The following OSER1 variants were observed in gnomAD, a reference collection of about 807,000 sequenced individuals.
The protein encoded by OSER1 is oxidative stress responsive serine rich 1.
Under a neutral mutation model 26.3 loss-of-function variants are expected in OSER1, and 15 were observed. The observed-to-expected ratio is 0.57, with a 90% CI of 0.38 to 0.88. The LOEUF is 0.88. OSER1 is among the 40% of genes least tolerant of loss of function. OSER1 has a pLI of 0.00. For missense variants in OSER1, 313 were observed against 353.9 expected (o/e 0.88, Z 0.93); for synonymous variants, 127 against 128.2 (o/e 0.99, Z 0.07).
intron 2 of OSER1, among the ~76,000 whole-genome samples, chr20:44,203,549 C>CT (rs1171521367): frequency 6.6e-6 from 1 of 152,074 alleles, no homozygotes; most frequent in Non-Finnish European, 1.5e-5. Context: ...GAGTTAAATC[C>CT]TTGCGGTTTA....
rs776918037 is a variant in OSER1, at chr20:44,199,896, C to G, written c.192-2157G>C. On this transcript the variant is annotated intron_variant, in intron 3 of 3. Coordinates refer to ENST00000255174, the MANE Select transcript of OSER1 (RefSeq NM_016470.8). Reference sequence around the variant, plus strand: ...GATAAGAGGGGACTTGTACACACAGCTAAAGAAAGAATGACTGACGGGAAA... The same window carrying G: ...GATAAGAGGGGACTTGTACACACAGGTAAAGAAAGAATGACTGACGGGAAA... 5.5e-4 allele frequency among the ~76,000 whole-genome samples: 83 copies of G among 152,196 alleles called. 1 individual carries two copies. Among genetic ancestry groups the G allele is most frequent in the Non-Finnish European group, 1.5e-4 (10 of 68,038 alleles).
intron 1 of OSER1, among the ~76,000 whole-genome samples, chr20:44,209,461 A>G (rs972391745): frequency 1.3e-5 from 2 of 152,248 alleles, no homozygotes; most frequent in Non-Finnish European, 2.9e-5. Context: ...AAAGGGCTGT[A>G]CAACTAACTC....
At chr20:44,197,833 C>G in intron 3 of OSER1, 94 bp from the exon 4 acceptor site, 1 of 743,052 alleles carries the variant, frequency 1.3e-6, no homozygotes, top group Non-Finnish European at 2.2e-6. Flanking sequence ...CTTCCCTCAG[C>G]TTTATGAGTC....
chr20:44,199,979 G>A (rs563126413), intron 3 of OSER1, among the ~76,000 whole-genome samples: 27 of 152,334 alleles, frequency 1.8e-4, no homozygotes, highest in Non-Finnish European at 3.1e-4. Flanking sequence ...GGTCAGATCT[G>A]GCTCCCTGCC....
chr20:44,203,358 T>A (rs114554184), intron 2 of OSER1, among the ~76,000 whole-genome samples: 3,199 of 152,274 alleles, frequency 0.021, 141 homozygotes, highest in African/African-American at 0.073. Flanking sequence ...AGATCAGGCC[T>A]TATGGCCAGA....
intron 2 of OSER1, among the ~76,000 whole-genome samples, chr20:44,206,008 T>C (rs6017288): frequency 0.23 from 34,907 of 150,244 alleles, 5,988 homozygotes; most frequent in African/African-American, 0.48. Context: ...AAATCCTGGC[T>C]CTGCAACGTC....
chr20:44,209,546 TG>T (rs1201257638), intron 1 of OSER1, among the ~76,000 whole-genome samples: 2 of 152,236 alleles, frequency 1.3e-5, no homozygotes, highest in African/African-American at 4.8e-5. Context: ...GCGTTTTCAC[TG>T]CAGTGAACTC....
chr20:44,203,159 T>A lies in OSER1; in HGVS notation c.78-85A>T, dbSNP rs992992718. The A allele has an allele frequency of 4.7e-6, 3 of 638,136 alleles. No individual in the cohort carries two copies. In the African/African-American group the frequency reaches 5.5e-5, roughly 12 times the overall value. 39.5% of individuals were successfully genotyped at this position (638,136 alleles called of 1,614,324 possible). On this transcript the variant is annotated intron_variant, in intron 2 of 3. Coordinates refer to ENST00000255174, the MANE Select transcript of OSER1 (RefSeq NM_016470.8). ...TTCTCACTAGCTCAAATACAACTTTTATCAATACATTTTTTTTTCTAGTTT... is the reference window on the plus strand; with the variant it reads ...TTCTCACTAGCTCAAATACAACTTTAATCAATACATTTTTTTTTCTAGTTT...
intron 2 of OSER1, among the ~76,000 whole-genome samples, chr20:44,203,727 C>CAT (rs1248860833): frequency 4.0e-5 from 6 of 150,966 alleles, no homozygotes. Context: ...CACACACACA[C>CAT]ACACCCCTCC....
At position 44,197,307 on chromosome 20, in the gene OSER1, T is replaced by A; in HGVS notation, c.624A>T (p.Arg208Ser). 5 of 1,613,972 alleles carry A rather than the reference T, an allele frequency of 3.1e-6. No individual in the cohort carries two copies. The highest frequency in any genetic ancestry group is 4.2e-6 in the Non-Finnish European group (5 of 1,179,798). Residue 208 changes from arginine (R) to serine (S), a missense_variant, in exon 4 of 4, where the codon AGA (arginine) becomes AGT (serine). Coordinates refer to ENST00000255174, the MANE Select transcript of OSER1 (RefSeq NM_016470.8). ...TCIGKECQCK[R>S]WHDMEVYSFS... ...AGGAATACACTTCCATATCATGCCA[T>A]CTCTTACACTGGCATTCCTTGCCTA...
chr20:44,208,000 A>G (rs1057340071), intron 1 of OSER1, among the ~76,000 whole-genome samples: 3 of 152,214 alleles, frequency 2.0e-5, no homozygotes, highest in Non-Finnish European at 1.5e-5. Context: ...ACCAGCATCT[A>G]TGAACATATC....
At chr20:44,200,512 C>T (rs112548324) in intron 3 of OSER1, among the ~76,000 whole-genome samples, 6 of 152,216 alleles carry the variant, frequency 3.9e-5, no homozygotes, top group East Asian at 3.9e-4. Context: ...ATTTACCATA[C>T]GGTGCTTTAC....
rs952205356 is a variant in OSER1 at position 44,197,872 on chromosome 20, C to G, written c.192-133G>C. The G allele has an allele frequency of 4.9e-6, 3 of 609,756 alleles. No homozygotes were observed. The African/African-American group carries it at 5.5e-5, about 11-fold the overall frequency. 37.8% of individuals were successfully genotyped at this position (609,756 alleles called of 1,614,324 possible). On this transcript the variant is annotated intron_variant, in intron 3 of 3. Coordinates refer to ENST00000255174, the MANE Select transcript of OSER1 (RefSeq NM_016470.8). Reference sequence around the variant, plus strand: ...GCTCATAAATTTCCTGCAAGAGATGCACCTTCCTCCATTTTCATGCTGCCT... The same window carrying G: ...GCTCATAAATTTCCTGCAAGAGATGGACCTTCCTCCATTTTCATGCTGCCT...
chr20:44,197,193 C>T lies in OSER1; in HGVS notation c.738G>A (p.Leu246=). Residue 246 remains leucine (L), a synonymous_variant, in exon 4 of 4, where the codon CTG becomes CTA. Coordinates refer to ENST00000255174, the MANE Select transcript of OSER1 (RefSeq NM_016470.8). The part of the protein sequence containing the change: ...DYSQSLHART[L]SGSPRSCSEQ... ...CAGAACAGGATCGGGGAGAGCCAGACAGAGTTCTGGCGTGCAGCGACTGAG... is the reference window on the plus strand; with the variant it reads ...CAGAACAGGATCGGGGAGAGCCAGATAGAGTTCTGGCGTGCAGCGACTGAG... 1.2e-6 allele frequency: 2 copies of T among 1,614,138 alleles called. No homozygotes were observed. The highest frequency in any genetic ancestry group is 1.7e-6 in the Non-Finnish European group (2 of 1,179,946).
chr20:44,206,102 G>A (rs1239339578), intron 2 of OSER1, among the ~76,000 whole-genome samples: 1 of 152,128 alleles, frequency 6.6e-6, no homozygotes, highest in African/African-American at 2.4e-5. Flanking sequence ...CATGTCCTAA[G>A]GTGTAGTGAG....
At chr20:44,201,621 TTAAG>T (rs2072983407) in intron 3 of OSER1, among the ~76,000 whole-genome samples, 1 of 152,136 alleles carries the variant, frequency 6.6e-6, no homozygotes, top group Non-Finnish European at 1.5e-5. Context: ...GTCTGTGAGA[TTAAG>T]TAACGACTAA....
intron 2 of OSER1, 93 bp from the exon 3 acceptor site, chr20:44,203,167 CA>C (rs2073000830): frequency 6.6e-6 from 4 of 610,322 alleles, no homozygotes; most frequent in Admixed American, 5.8e-5. Context: ...TTTATCAATA[CA>C]TTTTTTTTTC....
intron 2 of OSER1, among the ~76,000 whole-genome samples, chr20:44,205,756 C>CTTTAGT: frequency 6.6e-6 from 1 of 151,910 alleles, no homozygotes; most frequent in Non-Finnish European, 1.5e-5. Flanking sequence ...CTGGCTAACA[C>CTTTAGT]AGTGAAACCC....
intron 3 of OSER1, among the ~76,000 whole-genome samples, chr20:44,201,891 G>GA (rs1200147034): frequency 6.6e-6 from 1 of 152,066 alleles, no homozygotes; most frequent in Non-Finnish European, 1.5e-5. Context: ...GAAAAAAATA[G>GA]AAAAAAGCAG....
Sources: allele counts gnomAD v4.1 joint callset (sites outside exome capture counted in the v4.1 genomes callset), GRCh38; gene constraint gnomAD v4.1.1; transcripts MANE v1.5; gene names NCBI Gene and HGNC (gene_info 2026-07-23, HGNC 2026-07-21).